The following ERBB4 variants were observed in gnomAD, a reference collection of about 807,000 sequenced individuals.
The protein encoded by ERBB4 is receptor tyrosine-protein kinase erbB-4.
ERBB4 carries 42 observed loss-of-function variants against 158.0 expected under a neutral mutation model. The observed-to-expected ratio is 0.27, with a 90% confidence interval of 0.21 to 0.34. ERBB4 has a LOEUF of 0.34. ERBB4 is among the 10% of genes least tolerant of loss of function. ERBB4 has a pLI of 1.00. For synonymous variants in ERBB4, 583 were observed against 558.7 expected, an observed-to-expected ratio of 1.04 and a Z score of -0.61; for missense variants, 1,333 against 1,624.1, an observed-to-expected ratio of 0.82 and a Z score of 3.08.
At chr2:212,109,136 T>C (rs564152852) in intron 2 of ERBB4, among the ~76,000 whole-genome samples, 15 of 152,266 alleles carry the variant, frequency 9.9e-5, no homozygotes, top group Non-Finnish European at 1.6e-4. Flanking sequence ...ACAAACATCT[T>C]TGGGTGCCTA....
chr2:211,746,733 G>A (rs1046647038), intron 5 of ERBB4, among the ~76,000 whole-genome samples: 1 of 151,834 alleles, frequency 6.6e-6, no homozygotes, highest in Non-Finnish European at 1.5e-5. Context: ...GTGAGGCTGA[G>A]GCAGGAGAAT....
chr2:212,091,000 GATT>G (rs994247867), intron 2 of ERBB4, among the ~76,000 whole-genome samples: 1 of 152,092 alleles, frequency 6.6e-6, no homozygotes, highest in Non-Finnish European at 1.5e-5. Context: ...CTTTTGGGGT[GATT>G]ATTAATTTGA....
intron 1 of ERBB4, among the ~76,000 whole-genome samples, chr2:212,386,722 C>T (rs2090689206): frequency 6.6e-6 from 1 of 151,956 alleles, no homozygotes; most frequent in African/African-American, 2.4e-5. Flanking sequence ...ACACTACTTC[C>T]TCTACCTGGA....
At chr2:212,020,061 A>AAAT (rs749580514) in intron 2 of ERBB4, among the ~76,000 whole-genome samples, 1 of 152,152 alleles carries the variant, frequency 6.6e-6, no homozygotes, top group South Asian at 2.1e-4. Context: ...CTCATAGAGA[A>AAAT]AATTCTGCTA....
intron 2 of ERBB4, among the ~76,000 whole-genome samples, chr2:211,980,606 C>A (rs1048113077): frequency 1.3e-5 from 2 of 152,026 alleles, no homozygotes; most frequent in Admixed American, 1.3e-4. Context: ...ATATGTGTAC[C>A]TGTTGTTATT....
chr2:211,603,335 A>G (rs2068861638), intron 19 of ERBB4, among the ~76,000 whole-genome samples: 1 of 152,194 alleles, frequency 6.6e-6, no homozygotes, highest in Non-Finnish European at 1.5e-5. Flanking sequence ...CATTGGGCAA[A>G]AGAGAATTCG....
chr2:212,500,050 C>T (rs1404687104), intron 1 of ERBB4, among the ~76,000 whole-genome samples: 2 of 151,936 alleles, frequency 1.3e-5, no homozygotes, highest in Admixed American at 1.3e-4. Flanking sequence ...ATCCCTTTCC[C>T]CGGAATTTAT....
intron 25 of ERBB4, among the ~76,000 whole-genome samples, chr2:211,389,868 A>G (rs2062765345): frequency 6.6e-6 from 1 of 152,214 alleles, no homozygotes; most frequent in South Asian, 2.1e-4. Context: ...AGGATATATC[A>G]ATCACATTTA....
intron 3 of ERBB4, among the ~76,000 whole-genome samples, chr2:211,878,740 C>T (rs549690860): frequency 1.3e-5 from 2 of 148,280 alleles, no homozygotes; most frequent in South Asian, 4.3e-4. Context: ...TCACTGCAAC[C>T]TCCGCCTCCT....
intron 1 of ERBB4, among the ~76,000 whole-genome samples, chr2:212,460,650 C>A (rs569009695): frequency 4.6e-5 from 7 of 152,068 alleles, no homozygotes; most frequent in Non-Finnish European, 1.0e-4. Flanking sequence ...GCAAAGCCTT[C>A]GAGAAGTGAC....
chr2:212,294,655 A>C (rs2106190349), intron 1 of ERBB4, among the ~76,000 whole-genome samples: 1 of 152,226 alleles, frequency 6.6e-6, no homozygotes, highest in Middle Eastern at 3.4e-3. Context: ...AAAACTCTTC[A>C]AAAATTTACT....
At chr2:212,151,166 T>C (rs1024619392) in intron 1 of ERBB4, among the ~76,000 whole-genome samples, 6 of 152,054 alleles carry the variant, frequency 3.9e-5, no homozygotes, top group African/African-American at 1.4e-4. Context: ...ACTAAAAATA[T>C]ACATAGGTTA....
chr2:211,631,209 A>G (rs1293072845), intron 16 of ERBB4, among the ~76,000 whole-genome samples: 1 of 152,012 alleles, frequency 6.6e-6, no homozygotes, highest in Non-Finnish European at 1.5e-5. Context: ...CATCACCCCC[A>G]GTTAGGAAGC....
intron 14 of ERBB4, 41 bp downstream of exon 14, chr2:211,673,123 T>A (rs773885014): frequency 7.5e-7 from 1 of 1,333,700 alleles, no homozygotes; most frequent in African/African-American, 1.4e-5. Context: ...TCATACATGA[T>A]ACTAAATAAG....
Position 212,184,026 on chromosome 2 carries a change from T to C in ERBB4, c.83-59123A>G, listed in dbSNP as rs138810404. Among the ~76,000 whole-genome samples the C allele has an allele frequency of 2.0e-3, 310 of 152,252 alleles. 1 individual carries two copies. Among genetic ancestry groups the C allele is most frequent in the African/African-American group, 7.1e-3 (295 of 41,574 alleles). On this transcript the variant is annotated intron_variant, in intron 1 of 27. Transcript: ENST00000342788. Reference sequence around the variant, plus strand: ...AAATCATTAAATCATATTTATGAAGTGACCATACACATCACTAGCAATTTT... The same window carrying C: ...AAATCATTAAATCATATTTATGAAGCGACCATACACATCACTAGCAATTTT...
chr2:211,838,540 C>A (rs768330155), intron 3 of ERBB4, among the ~76,000 whole-genome samples: 1 of 152,078 alleles, frequency 6.6e-6, no homozygotes, highest in Non-Finnish European at 1.5e-5. Context: ...TTTAACCATT[C>A]TTTTCCCATT....
At chr2:211,566,947 G>A (rs554889306) in intron 19 of ERBB4, among the ~76,000 whole-genome samples, 33 of 152,138 alleles carry the variant, frequency 2.2e-4, no homozygotes, top group Non-Finnish European at 4.3e-4. Flanking sequence ...GTCTCCATTC[G>A]TAGCAAGTAC....
chr2:211,542,921 AAAGTACACCCT>A (rs1033358808), intron 20 of ERBB4, among the ~76,000 whole-genome samples: 103 of 152,086 alleles, frequency 6.8e-4, no homozygotes, highest in African/African-American at 2.3e-3. Context: ...CCAAAAGGGA[AAAGTACACCCT>A]AGGTAGTATT....
intron 1 of ERBB4, among the ~76,000 whole-genome samples, chr2:212,164,163 A>C (rs1205410631): frequency 1.3e-5 from 2 of 151,928 alleles, no homozygotes; most frequent in Non-Finnish European, 2.9e-5. Flanking sequence ...AAAGTTAGAC[A>C]CATATAGCGC....
Sources: gnomAD v4.1 joint callset for allele counts (sites outside exome capture counted in the v4.1 genomes callset) on GRCh38, gnomAD v4.1.1 for gene constraint, MANE v1.5 for transcripts, NCBI Gene and HGNC (gene_info 2026-07-23, HGNC 2026-07-21) for gene names.